Variants in ASIC2 observed in about 807,000 individuals in gnomAD.
ASIC2 encodes the protein acid-sensing ion channel 2.
ASIC2 carries 25 observed loss-of-function variants against 57.3 expected under a neutral mutation model. The observed-to-expected ratio is 0.44, with a 90% confidence interval of 0.32 to 0.61. The LOEUF is 0.61. Among genes scored for constraint, ASIC2 ranks in the 20% least tolerant of loss-of-function variants. The probability of loss-of-function intolerance (pLI) is 0.06; values close to 1 mark genes in which losing one functional copy is unlikely to be tolerated. For synonymous variants in ASIC2, 319 were observed against 307.5 expected, an observed-to-expected ratio of 1.04 and a Z score of -0.39; for missense variants, 641 against 738.1, an observed-to-expected ratio of 0.87 and a Z score of 1.52.
intron 1 of ASIC2, among the ~76,000 whole-genome samples, chr17:33,480,484 A>C (rs1163632552): frequency 6.6e-6 from 1 of 152,158 alleles, no homozygotes; most frequent in Non-Finnish European, 1.5e-5. Flanking sequence ...TTCATAAACG[A>C]GGAATTGGAA....
At chr17:33,719,428 G>A (rs1217037216) in intron 1 of ASIC2, among the ~76,000 whole-genome samples, 1 of 152,216 alleles carries the variant, frequency 6.6e-6, no homozygotes, top group African/African-American at 2.4e-5. Context: ...GCTGCTGCTA[G>A]CGCACAGAGC....
intron 1 of ASIC2, among the ~76,000 whole-genome samples, chr17:34,044,930 A>G (rs759654154): frequency 2.0e-5 from 3 of 152,172 alleles, no homozygotes; most frequent in Non-Finnish European, 4.4e-5. Flanking sequence ...TGAGACACAT[A>G]CTAAGTGTCC....
At chr17:33,987,709 G>T (rs1257053028) in intron 1 of ASIC2, among the ~76,000 whole-genome samples, 1 of 152,164 alleles carries the variant, frequency 6.6e-6, no homozygotes, top group Non-Finnish European at 1.5e-5. Context: ...GGCACTGTTA[G>T]GTGAAAGTGC....
At chr17:33,439,540 C>T (rs147298777) in intron 1 of ASIC2, among the ~76,000 whole-genome samples, 1 of 152,266 alleles carries the variant, frequency 6.6e-6, no homozygotes, top group East Asian at 1.9e-4. Flanking sequence ...CTATTCCCTG[C>T]TTCTTCAGCT....
intron 1 of ASIC2, among the ~76,000 whole-genome samples, chr17:33,403,051 C>A (rs1326867663): frequency 6.6e-6 from 1 of 152,144 alleles, no homozygotes; most frequent in Non-Finnish European, 1.5e-5. Flanking sequence ...ATATTTCCAT[C>A]TCTACTAATA....
intron 1 of ASIC2, among the ~76,000 whole-genome samples, chr17:33,660,811 G>T (rs1425950549): frequency 6.6e-6 from 1 of 152,268 alleles, no homozygotes; most frequent in African/African-American, 2.4e-5. Flanking sequence ...GGACTGAAAC[G>T]TCGTTATGCG....
intron 1 of ASIC2, among the ~76,000 whole-genome samples, chr17:33,665,354 C>T (rs935517010): frequency 4.6e-5 from 7 of 151,956 alleles, no homozygotes; most frequent in Admixed American, 2.0e-4. Context: ...ACAATGGCAC[C>T]GTGATGTAAA....
rs372916147 is a variant in ASIC2 at position 33,351,939 on chromosome 17, T to C, written c.556-239872A>G. Among the ~76,000 whole-genome samples the C allele has an allele frequency of 1.8e-3, 278 of 152,208 alleles. 3 individuals carry two copies. The highest frequency in any genetic ancestry group is 6.2e-3 in the African/African-American group (257 of 41,524). On this transcript the variant is annotated intron_variant, in intron 1 of 9. Coordinates refer to the ASIC2 transcript ENST00000359872. ...CTGAGACTGTGTGAGCAGCAGCAAG[T>C]CTAATGACAGCTCAGGTTTTTAGCT...
intron 1 of ASIC2, among the ~76,000 whole-genome samples, chr17:33,820,310 G>A (rs775839579): frequency 2.0e-5 from 3 of 152,182 alleles, no homozygotes; most frequent in African/African-American, 4.8e-5. Context: ...ACTGAGATGA[G>A]CTGTAAGTAT....
At chr17:33,134,166 A>G (rs529424465) in intron 1 of ASIC2, among the ~76,000 whole-genome samples, 110 of 152,236 alleles carry the variant, frequency 7.2e-4, no homozygotes, top group Non-Finnish European at 1.4e-3. Context: ...TTATTTCTCT[A>G]AGTGACTTGG....
At chr17:33,193,880 C>T (rs546595616) in intron 1 of ASIC2, among the ~76,000 whole-genome samples, 1 of 152,278 alleles carries the variant, frequency 6.6e-6, no homozygotes, top group South Asian at 2.1e-4. Context: ...ACTTGGTTGC[C>T]TTCCTTGGCT....
intron 1 of ASIC2, among the ~76,000 whole-genome samples, chr17:33,447,871 G>C (rs908857233): frequency 1.1e-5 from 1 of 88,838 alleles, no homozygotes; most frequent in African/African-American, 4.6e-5. Context: ...CTAGCATAAA[G>C]AAAAGACAAC....
At chr17:33,452,145 G>T (rs1912274024) in intron 1 of ASIC2, among the ~76,000 whole-genome samples, 1 of 152,240 alleles carries the variant, frequency 6.6e-6, no homozygotes, top group African/African-American at 2.4e-5. Flanking sequence ...AACCTAAGGT[G>T]AGTATCTGCC....
At chr17:33,939,616 G>A (rs1349878957) in intron 1 of ASIC2, among the ~76,000 whole-genome samples, 1 of 152,166 alleles carries the variant, frequency 6.6e-6, no homozygotes, top group Non-Finnish European at 1.5e-5. Flanking sequence ...TGGCTGTACT[G>A]GATTTCTACA....
At chr17:33,810,417 G>A (rs942349353) in intron 1 of ASIC2, among the ~76,000 whole-genome samples, 14 of 152,146 alleles carry the variant, frequency 9.2e-5, no homozygotes, top group Non-Finnish European at 1.2e-4. Flanking sequence ...GTGTGGGGGT[G>A]GGCATCAGGA....
chr17:33,171,872 G>C (rs1173743225), intron 1 of ASIC2, among the ~76,000 whole-genome samples: 2 of 152,154 alleles, frequency 1.3e-5, no homozygotes, highest in Non-Finnish European at 2.9e-5. Flanking sequence ...TGCAAACCTT[G>C]TTCCGTCTGC....
intron 1 of ASIC2, among the ~76,000 whole-genome samples, chr17:33,128,299 C>A (rs1319357843): frequency 1.3e-5 from 2 of 152,184 alleles, no homozygotes; most frequent in Non-Finnish European, 2.9e-5. Flanking sequence ...ATGAAGGGAG[C>A]CCTTTTCTTG....
chr17:33,394,889 C>T (rs962833808), intron 1 of ASIC2, among the ~76,000 whole-genome samples: 1 of 152,036 alleles, frequency 6.6e-6, no homozygotes, highest in African/African-American at 2.4e-5. Flanking sequence ...ATCCACCTAC[C>T]CATCTGCCTA....
chr17:33,999,928 G>A (rs1906279832), intron 1 of ASIC2, among the ~76,000 whole-genome samples: 1 of 151,924 alleles, frequency 6.6e-6, no homozygotes, highest in Non-Finnish European at 1.5e-5. Flanking sequence ...AGCATTTCTT[G>A]TAAAGTGCTC....
Sources: gnomAD v4.1 joint callset for allele counts (sites outside exome capture counted in the v4.1 genomes callset) on GRCh38, gnomAD v4.1.1 for gene constraint, MANE v1.5 for transcripts, NCBI Gene and HGNC (gene_info 2026-07-23, HGNC 2026-07-21) for gene names.